Variants in CDH4 observed in about 807,000 individuals in gnomAD.
The protein encoded by CDH4 is cadherin 4.
In CDH4, 33 loss-of-function variants were observed where a neutral mutation model predicts 86.0. That is an observed-to-expected ratio of 0.38 (90% CI 0.29 to 0.51). CDH4 has a LOEUF of 0.51. Ranked by LOEUF, CDH4 falls within the 20% of genes least tolerant of loss-of-function variation. CDH4 has a pLI of 0.86. For missense variants in CDH4, 1,114 were observed against 1,307.4 expected, an observed-to-expected ratio of 0.85 and a Z score of 2.28; for synonymous variants, 555 against 549.4, an observed-to-expected ratio of 1.01 and a Z score of -0.14.
chr20:61,841,140 C>T (rs552282832), intron 4 of CDH4, among the ~76,000 whole-genome samples: 96 of 152,348 alleles, frequency 6.3e-4, no homozygotes, highest in African/African-American at 2.2e-3. Flanking sequence ...GGACCTGGCT[C>T]TGTGTGTTCT....
At chr20:61,734,020 C>T (rs1261517135) in intron 2 of CDH4, among the ~76,000 whole-genome samples, 1 of 152,246 alleles carries the variant, frequency 6.6e-6, no homozygotes, top group Non-Finnish European at 1.5e-5. Flanking sequence ...CGCAGGCTGT[C>T]TCCTGGCCCC....
chr20:61,681,519 CTG>C lies in CDH4; in HGVS notation c.170-62039_170-62038del, dbSNP rs1371998985. ...TTAGACAATCCTTGGAACTTGATAACTGTGTGCATTTTAAGGAATCTGTTAGC... is the reference window on the plus strand; with the variant it reads ...TTAGACAATCCTTGGAACTTGATAACTGTGCATTTTAAGGAATCTGTTAGC... On this transcript the variant is annotated intron_variant, in intron 2 of 15. Transcript: ENST00000614565. The surrounding 1 kb of genome is among the most constrained non-coding windows in gnomAD (Gnocchi z 4.5). 1.1e-4 allele frequency among the ~76,000 whole-genome samples: 17 copies of C among 152,304 alleles called. No individual in the cohort carries two copies. In the South Asian group the frequency reaches 3.3e-3, roughly 30 times the overall value.
chr20:61,346,974 C>G (rs1382059662), intron 2 of CDH4, among the ~76,000 whole-genome samples: 1 of 152,146 alleles, frequency 6.6e-6, no homozygotes, highest in Non-Finnish European at 1.5e-5. Flanking sequence ...GCACACATGT[C>G]TCATAAACCA....
chr20:61,283,410 AT>A (rs2084273088), intron 2 of CDH4, among the ~76,000 whole-genome samples: 1 of 125,772 alleles, frequency 8.0e-6, no homozygotes. Flanking sequence ...GGCGTGTGTG[AT>A]GTGTGTGCGT....
intron 2 of CDH4, among the ~76,000 whole-genome samples, chr20:61,671,541 A>G (rs768871044): frequency 6.6e-5 from 10 of 152,042 alleles, no homozygotes; most frequent in African/African-American, 1.7e-4. Context: ...AAATGGATGG[A>G]TGGATGATGA....
At chr20:61,609,180 C>T (rs143100638) in intron 2 of CDH4, among the ~76,000 whole-genome samples, 12 of 152,326 alleles carry the variant, frequency 7.9e-5, no homozygotes, top group African/African-American at 2.2e-4. Context: ...CAGTATGTCT[C>T]TCTGAATCAT....
At chr20:61,726,115 A>G (rs11697005) in intron 2 of CDH4, among the ~76,000 whole-genome samples, 15,718 of 151,876 alleles carry the variant, frequency 0.1, 964 homozygotes, top group South Asian at 0.23. Context: ...AGAGCATGGC[A>G]TGGGGATAGT....
intron 2 of CDH4, among the ~76,000 whole-genome samples, chr20:61,345,670 CAG>C (rs2084675076): frequency 6.6e-6 from 1 of 152,158 alleles, no homozygotes; most frequent in Non-Finnish European, 1.5e-5. Flanking sequence ...AGGAGGGGAA[CAG>C]GGGAAGAGAG....
At chr20:61,601,459 G>A (rs2086600124) in intron 2 of CDH4, among the ~76,000 whole-genome samples, 1 of 152,130 alleles carries the variant, frequency 6.6e-6, no homozygotes, top group Admixed American at 6.5e-5. Flanking sequence ...TGCCCTCCCT[G>A]CAGATCTCCG....
intron 2 of CDH4, among the ~76,000 whole-genome samples, chr20:61,652,383 G>A (rs1178405634): frequency 6.6e-6 from 1 of 152,132 alleles, no homozygotes; most frequent in Non-Finnish European, 1.5e-5. Flanking sequence ...CAGTAACCAT[G>A]CACACCTGCT....
At chr20:61,873,547 A>G (rs1983892080) in intron 6 of CDH4, among the ~76,000 whole-genome samples, 181 bp from the exon 7 acceptor site, 2 of 152,274 alleles carry the variant, frequency 1.3e-5, no homozygotes, top group Non-Finnish European at 2.9e-5. Flanking sequence ...CTATGATTCT[A>G]TAAGGTGGGG....
intron 3 of CDH4, among the ~76,000 whole-genome samples, chr20:61,748,875 CA>C (rs2088451105): frequency 1.3e-5 from 1 of 74,520 alleles, no homozygotes. Context: ...ATTATCAAGC[CA>C]AAAAATGCAA....
chr20:61,880,310 C>T (rs896463765), intron 7 of CDH4, among the ~76,000 whole-genome samples: 1 of 152,134 alleles, frequency 6.6e-6, no homozygotes, highest in Non-Finnish European at 1.5e-5. Flanking sequence ...CAGCGTTTCC[C>T]GCTGGCTGGG....
At chr20:61,670,734 G>A (rs2087377134) in intron 2 of CDH4, among the ~76,000 whole-genome samples, 1 of 152,210 alleles carries the variant, frequency 6.6e-6, no homozygotes, top group Non-Finnish European at 1.5e-5. Context: ...TCTTATGGGT[G>A]GGGCCCAGGG....
intron 2 of CDH4, among the ~76,000 whole-genome samples, chr20:61,557,453 C>T (rs2086185896): frequency 6.6e-6 from 1 of 152,190 alleles, no homozygotes; most frequent in Non-Finnish European, 1.5e-5. Context: ...ATGCAAAAGC[C>T]AATTCCATTC....
chr20:61,635,252 A>G (rs767575290), intron 2 of CDH4, among the ~76,000 whole-genome samples: 2 of 152,224 alleles, frequency 1.3e-5, no homozygotes, highest in Admixed American at 6.5e-5. Context: ...CCACATCCCC[A>G]CCAGCGATGC....
chr20:61,469,113 T>C (rs1452316639), intron 2 of CDH4, among the ~76,000 whole-genome samples: 1 of 152,202 alleles, frequency 6.6e-6, no homozygotes, highest in African/African-American at 2.4e-5. Flanking sequence ...TTTAGTTTTT[T>C]TGAGGAACCC....
At chr20:61,763,928 CA>C (rs1165795358) in intron 3 of CDH4, among the ~76,000 whole-genome samples, 2 of 151,600 alleles carry the variant, frequency 1.3e-5, no homozygotes, top group African/African-American at 4.8e-5. Flanking sequence ...TTTTCTTTTT[CA>C]AAAAAACAGA....
At chr20:61,685,465 C>T (rs1394677584) in intron 2 of CDH4, among the ~76,000 whole-genome samples, 1 of 152,222 alleles carries the variant, frequency 6.6e-6, no homozygotes, top group Non-Finnish European at 1.5e-5. Flanking sequence ...GCTTGGGCCC[C>T]TTCATCTCCC....
Sources: gnomAD v4.1 joint callset for allele counts (sites outside exome capture counted in the v4.1 genomes callset) on GRCh38, gnomAD v4.1.1 for gene constraint, Gnocchi (gnomAD v3.1) non-coding constraint, MANE v1.5 for transcripts, NCBI Gene and HGNC (gene_info 2026-07-23, HGNC 2026-07-21) for gene names.